ASTN2: variants seen among roughly 807,000 people sequenced by gnomAD.
ASTN2 encodes astrotactin-2.
In ASTN2, 54 loss-of-function variants were observed where a neutral mutation model predicts 139.8. That is an observed-to-expected ratio of 0.39 (90% confidence interval 0.31 to 0.48). The LOEUF (loss-of-function observed/expected upper bound fraction) is 0.48. Ranked by LOEUF, ASTN2 falls within the 20% of genes least tolerant of loss-of-function variation. The pLI, the probability that ASTN2 is intolerant of heterozygous loss-of-function variation, is 0.95. For synonymous variants in ASTN2, 756 were observed against 719.5 expected, an observed-to-expected ratio of 1.05 and a Z score of -0.81; for missense variants, 1,565 against 1,725.1, an observed-to-expected ratio of 0.91 and a Z score of 1.64.
At chr9:116,877,671 T>C (rs1433431274) in intron 10 of ASTN2, among the ~76,000 whole-genome samples, 6 of 152,200 alleles carry the variant, frequency 3.9e-5, no homozygotes, top group Admixed American at 3.9e-4. Context: ...TGTGGTATGG[T>C]GAGGTTTCAT....
intron 3 of ASTN2, among the ~76,000 whole-genome samples, chr9:117,189,636 T>C (rs1220894144): frequency 6.6e-6 from 1 of 152,210 alleles, no homozygotes; most frequent in Non-Finnish European, 1.5e-5. Context: ...GCAAAACAAG[T>C]AATCCCATTT....
intron 2 of ASTN2, among the ~76,000 whole-genome samples, chr9:117,271,221 C>T (rs530261755): frequency 2.2e-3 from 339 of 152,214 alleles, no homozygotes; most frequent in African/African-American, 3.9e-3. Flanking sequence ...GCTCTTCTTA[C>T]GTGGTGGCAG....
At chr9:116,704,709 G>A (rs1483027156) in intron 16 of ASTN2, among the ~76,000 whole-genome samples, 2 of 152,086 alleles carry the variant, frequency 1.3e-5, no homozygotes, top group African/African-American at 4.8e-5. Flanking sequence ...AAAGCCTATT[G>A]GAGGAAGAGT....
intron 16 of ASTN2, among the ~76,000 whole-genome samples, chr9:116,680,475 A>C (rs919104431): frequency 4.6e-5 from 7 of 152,332 alleles, no homozygotes; most frequent in Non-Finnish European, 8.8e-5. Flanking sequence ...TTCCTTCTGA[A>C]ACTATTCCAA....
At chr9:117,293,278 T>A (rs140216043) in intron 1 of ASTN2, among the ~76,000 whole-genome samples, 1 of 152,148 alleles carries the variant, frequency 6.6e-6, no homozygotes, top group East Asian at 1.9e-4. Context: ...CTGCAAGGAC[T>A]CCTTAACTTG....
chr9:116,717,240 AG>A (rs1828336085), intron 16 of ASTN2, among the ~76,000 whole-genome samples: 1 of 152,366 alleles, frequency 6.6e-6, no homozygotes, highest in South Asian at 2.1e-4. Context: ...ATGCACCAAT[AG>A]GAAGAAGACT....
intron 17 of ASTN2, among the ~76,000 whole-genome samples, chr9:116,648,563 T>C (rs1439860058): frequency 1.3e-5 from 2 of 151,602 alleles, no homozygotes; most frequent in Admixed American, 1.3e-4. Flanking sequence ...ATTTTATTGT[T>C]GGTGTTAGTT....
intron 6 of ASTN2, among the ~76,000 whole-genome samples, chr9:117,024,931 G>C (rs1448076638): frequency 2.0e-5 from 3 of 152,000 alleles, no homozygotes; most frequent in Non-Finnish European, 4.4e-5. Context: ...ATGGTTATAA[G>C]GGGAAAGCCC....
At chr9:117,390,483 C>A (rs192842998) in intron 1 of ASTN2, among the ~76,000 whole-genome samples, 198 of 152,306 alleles carry the variant, frequency 1.3e-3, no homozygotes, top group Admixed American at 3.2e-3. Context: ...TAAGAATCTT[C>A]TGTGCTCTGA....
At chr9:116,882,439 A>G (rs1259397662) in intron 10 of ASTN2, among the ~76,000 whole-genome samples, 1 of 152,170 alleles carries the variant, frequency 6.6e-6, no homozygotes, top group East Asian at 1.9e-4. Context: ...CAGTGATGAC[A>G]CTGAGAAAGA....
chr9:117,180,187 G>A (rs1018949100), intron 3 of ASTN2, among the ~76,000 whole-genome samples: 2 of 152,054 alleles, frequency 1.3e-5, no homozygotes, highest in African/African-American at 4.8e-5. Context: ...TGATCTTTCT[G>A]GGAGGAAGAC....
intron 16 of ASTN2, chr9:116,687,224 G>A: frequency 1.2e-5 from 12 of 1,005,616 alleles, no homozygotes; most frequent in Non-Finnish European, 1.4e-5. Context: ...GGGGCCAGCT[G>A]CACGACAAGC....
intron 1 of ASTN2, among the ~76,000 whole-genome samples, chr9:117,342,346 A>C (rs987930942): frequency 6.6e-6 from 1 of 152,192 alleles, no homozygotes; most frequent in African/African-American, 2.4e-5. Context: ...GAAAAATGAA[A>C]CAAAAATAAT....
chr9:116,756,851 G>A (rs1829546675), intron 13 of ASTN2, among the ~76,000 whole-genome samples: 1 of 151,572 alleles, frequency 6.6e-6, no homozygotes, highest in African/African-American at 2.4e-5. Flanking sequence ...TTGCACTAAA[G>A]GAAACTGAGT....
chr9:116,657,270 T>A (rs1475346844), intron 16 of ASTN2, among the ~76,000 whole-genome samples: 1 of 152,172 alleles, frequency 6.6e-6, no homozygotes, highest in Non-Finnish European at 1.5e-5. Flanking sequence ...TTATAAATAA[T>A]AGTACCAACC....
intron 3 of ASTN2, among the ~76,000 whole-genome samples, chr9:117,143,276 A>G (rs1564447299): frequency 6.6e-6 from 1 of 152,250 alleles, no homozygotes; most frequent in Non-Finnish European, 1.5e-5. Context: ...TGAAGAAACC[A>G]AGAAGATTCC....
intron 2 of ASTN2, among the ~76,000 whole-genome samples, chr9:117,241,367 C>T (rs1013310647): frequency 2.0e-5 from 3 of 152,160 alleles, no homozygotes; most frequent in African/African-American, 7.2e-5. Context: ...TCAGTGCAAG[C>T]AGGGAGAATC....
intron 2 of ASTN2, among the ~76,000 whole-genome samples, chr9:117,217,949 T>C (rs1832382177): frequency 6.6e-6 from 1 of 152,198 alleles, no homozygotes; most frequent in African/African-American, 2.4e-5. Flanking sequence ...CCTATCATCA[T>C]CCTACATTAA....
chr9:116,993,837 T>C (rs1369507614), intron 7 of ASTN2, among the ~76,000 whole-genome samples: 1 of 129,770 alleles, frequency 7.7e-6, no homozygotes, highest in Non-Finnish European at 1.6e-5. Flanking sequence ...TAGTATACTT[T>C]ATATAGTATG....
Sources: gnomAD v4.1 joint callset for allele counts (sites outside exome capture counted in the v4.1 genomes callset) on GRCh38, gnomAD v4.1.1 for gene constraint, MANE v1.5 for transcripts, NCBI Gene and HGNC (gene_info 2026-07-23, HGNC 2026-07-21) for gene names.